CDH7: variants seen among roughly 807,000 people sequenced by gnomAD.
CDH7 encodes the protein cadherin 7, also known as cadherin-7.
CDH7 carries 25 observed loss-of-function variants against 71.8 expected under a neutral mutation model. The ratio of observed to expected loss-of-function variants is 0.35; its 90% CI spans 0.25 to 0.49. The LOEUF is 0.49. CDH7 is among the 20% of genes least tolerant of loss of function. CDH7 has a pLI of 0.99. For missense variants in CDH7, 862 were observed against 974.6 expected (o/e 0.88, Z 1.54); for synonymous variants, 381 against 363.8 (o/e 1.05, Z -0.54).
At chr18:65,763,282 A>G (rs1473618960) in intron 2 of CDH7, among the ~76,000 whole-genome samples, 3 of 152,204 alleles carry the variant, frequency 2.0e-5, no homozygotes, top group African/African-American at 7.2e-5. Flanking sequence ...ATGATGCTTC[A>G]TTCCTAGAAA....
At chr18:65,873,727 G>T (rs940545484) in intron 11 of CDH7, among the ~76,000 whole-genome samples, 1 of 152,104 alleles carries the variant, frequency 6.6e-6, no homozygotes, top group Admixed American at 6.6e-5. Context: ...AATGATGATT[G>T]TTCATAAGAG....
chr18:65,864,348 T>C, intron 11 of CDH7, among the ~76,000 whole-genome samples: 1 of 151,968 alleles, frequency 6.6e-6, no homozygotes, highest in East Asian at 1.9e-4. Flanking sequence ...TCTTAAATGT[T>C]CTTAAAACAT....
At chr18:65,759,319 C>T (rs531082522) in intron 1 of CDH7, among the ~76,000 whole-genome samples, 2 of 151,600 alleles carry the variant, frequency 1.3e-5, no homozygotes, top group East Asian at 3.9e-4. Flanking sequence ...GTCTCGGCTC[C>T]CTGAAACCTC....
chr18:65,841,458 A>T (rs1424622774), intron 6 of CDH7, among the ~76,000 whole-genome samples: 1 of 152,172 alleles, frequency 6.6e-6, no homozygotes, highest in Non-Finnish European at 1.5e-5. Flanking sequence ...GAGCTGACAA[A>T]TCGGATTTCT....
chr18:65,753,730 G>A (rs1598979938), intron 1 of CDH7, among the ~76,000 whole-genome samples: 1 of 152,260 alleles, frequency 6.6e-6, no homozygotes, highest in South Asian at 2.1e-4. Context: ...GCTGTAACCA[G>A]CAATACACGA....
intron 7 of CDH7, among the ~76,000 whole-genome samples, chr18:65,848,318 G>A (rs916930901): frequency 1.3e-5 from 2 of 152,160 alleles, no homozygotes; most frequent in African/African-American, 4.8e-5. Flanking sequence ...TGGGGAAAAT[G>A]CTAATGAGAA....
intron 2 of CDH7, among the ~76,000 whole-genome samples, chr18:65,800,103 G>A (rs887009928): frequency 1.8e-4 from 28 of 151,886 alleles, no homozygotes; most frequent in African/African-American, 6.3e-4. Flanking sequence ...TTTTTGAGAC[G>A]AAGTCTTATT....
intron 1 of CDH7, among the ~76,000 whole-genome samples, chr18:65,757,392 T>C (rs781518206): frequency 6.6e-6 from 1 of 152,192 alleles, no homozygotes; most frequent in Non-Finnish European, 1.5e-5. Flanking sequence ...TGTTTTTTCT[T>C]TTTGCTTCAG....
At chr18:65,773,164 A>G (rs888381783) in intron 2 of CDH7, among the ~76,000 whole-genome samples, 32 of 152,172 alleles carry the variant, frequency 2.1e-4, no homozygotes, top group African/African-American at 7.2e-4. Context: ...TTCAACAGTC[A>G]TACAACAGCT....
chr18:65,861,516 C>A (rs1751441089), intron 10 of CDH7, among the ~76,000 whole-genome samples: 1 of 151,646 alleles, frequency 6.6e-6, no homozygotes, highest in South Asian at 2.1e-4. Context: ...AAAACAGTAT[C>A]CTTCAACAAC....
intron 7 of CDH7, 30 bp downstream of exon 7, chr18:65,844,095 G>T: frequency 2.5e-6 from 4 of 1,595,356 alleles, no homozygotes; most frequent in Non-Finnish European, 3.4e-6. Flanking sequence ...CTTTTCTATG[G>T]TTTTACAAAC....
intron 2 of CDH7, among the ~76,000 whole-genome samples, chr18:65,807,172 T>C (rs1478065012): frequency 6.6e-6 from 1 of 151,982 alleles, no homozygotes; most frequent in Non-Finnish European, 1.5e-5. Context: ...TGTTGAATGA[T>C]TGGAGAAGCA....
At chr18:65,868,809 A>G (rs1229444154) in intron 11 of CDH7, among the ~76,000 whole-genome samples, 1 of 152,206 alleles carries the variant, frequency 6.6e-6, no homozygotes, top group Non-Finnish European at 1.5e-5. Context: ...CTAAGGTGAA[A>G]TCATTCTCCC....
intron 5 of CDH7, 49 bp downstream of exon 5, chr18:65,822,297 TC>T: frequency 1.4e-6 from 2 of 1,436,084 alleles, no homozygotes; most frequent in Non-Finnish European, 1.9e-6. Flanking sequence ...TCCCTGAAAG[TC>T]TATAAAATAC....
intron 2 of CDH7, among the ~76,000 whole-genome samples, chr18:65,796,062 C>T (rs1341929502): frequency 3.9e-5 from 6 of 152,138 alleles, no homozygotes; most frequent in Non-Finnish European, 5.9e-5. Context: ...ATAAATTACC[C>T]AGTCTCGGGT....
In CDH7 at chr18:65,862,762, C is replaced by A. The variant is rs753061750; in HGVS notation, c.1709C>A (p.Pro570His). Residue 570 changes from proline (P) to histidine (H), a missense_variant, in exon 11 of 12, where the codon CCC becomes CAC. Coordinates refer to ENST00000397968, the MANE Select transcript of CDH7 (RefSeq NM_004361.5). ...LPIFIVDSGS[P>H]SLSSTNTLTI... is the part of the protein sequence containing the mutation. ...ATTTTCATTGTGGACAGTGGATCTC[C>A]CTCACTTAGCAGCACCAACACCCTC... The A allele has an allele frequency of 1.2e-6, 2 of 1,614,130 alleles. No individual in the cohort carries two copies. Among genetic ancestry groups the A allele is most frequent in the South Asian group, 2.2e-5 (2 of 91,088 alleles).
chr18:65,794,671 G>C (rs575602905), intron 2 of CDH7, among the ~76,000 whole-genome samples: 2 of 152,134 alleles, frequency 1.3e-5, no homozygotes, highest in African/African-American at 4.8e-5. Flanking sequence ...TTCGTGTGGG[G>C]AAATGAAAGA....
chr18:65,788,514 T>C (rs1030480447), intron 2 of CDH7, among the ~76,000 whole-genome samples: 2 of 152,192 alleles, frequency 1.3e-5, no homozygotes, highest in Admixed American at 1.3e-4. Flanking sequence ...CAAGTCATGC[T>C]GTGTAGCGCG....
chr18:65,861,418 T>A (rs539778268), intron 10 of CDH7, among the ~76,000 whole-genome samples: 21,687 of 151,840 alleles, frequency 0.14, 3,268 homozygotes, highest in African/African-American at 0.38. Flanking sequence ...ACTTTTTGTA[T>A]CAAGTCATAA....
Sources: allele counts gnomAD v4.1 joint callset (sites outside exome capture counted in the v4.1 genomes callset), GRCh38; gene constraint gnomAD v4.1.1; transcripts MANE v1.5; gene names NCBI Gene and HGNC (gene_info 2026-07-23, HGNC 2026-07-21).